Variants in PHF14 observed in about 807,000 individuals in gnomAD.
PHF14 encodes PHD finger protein 14.
Under a neutral mutation model 117.9 loss-of-function variants are expected in PHF14, and 55 were observed. The ratio of observed to expected loss-of-function variants is 0.47; its 90% confidence interval spans 0.38 to 0.58. PHF14 has a LOEUF of 0.58. PHF14 is among the 20% of genes least tolerant of loss of function. The pLI is 0.00. For missense variants in PHF14, 978 were observed against 1,122.2 expected (o/e 0.87, Z 1.84); for synonymous variants, 409 against 368.6 (o/e 1.11, Z -1.26).
chr7:11,157,487 G>A (rs1788900410), intron 17 of PHF14, among the ~76,000 whole-genome samples: 1 of 151,842 alleles, frequency 6.6e-6, no homozygotes, highest in Non-Finnish European at 1.5e-5. Flanking sequence ...TGCTTCTATG[G>A]AGAAATTTCT....
At chr7:11,074,067 C>T (rs898119993) in intron 16 of PHF14, among the ~76,000 whole-genome samples, 2 of 152,182 alleles carry the variant, frequency 1.3e-5, no homozygotes, top group Non-Finnish European at 2.9e-5. Flanking sequence ...CCTGGAAGAT[C>T]TCCAAAATGC....
chr7:11,104,572 T>C lies in PHF14; in HGVS notation c.2655-6778T>C, dbSNP rs185608690. ...TAAATGATAGTTGTTTATCACACAG[T>C]AGGGAAAGGAAGAAACATGAAAATA... is the stretch of plus-strand genomic sequence containing the variant. On this transcript the variant is annotated intron_variant, in intron 16 of 17. Transcript: ENST00000634607. 35 of 982,950 alleles carry C rather than the reference T, an allele frequency of 3.6e-5. No individual in the cohort carries two copies. In the African/African-American group the frequency reaches 6.1e-4, roughly 17 times the overall value. The allele number at this position is 982,950 out of a possible 1,614,324, so 60.9% of individuals were successfully genotyped here. A position where few individuals can be genotyped will look rare whatever the true frequency, so the allele number is the denominator to read the frequency against.
intron 17 of PHF14, among the ~76,000 whole-genome samples, chr7:11,145,932 CATT>C (rs1157838116): frequency 6.6e-6 from 1 of 151,878 alleles, no homozygotes; most frequent in African/African-American, 2.4e-5. Flanking sequence ...TTTATATTCT[CATT>C]AATTTTTTTA....
At chr7:11,022,649 C>T (rs1783775150) in intron 5 of PHF14, among the ~76,000 whole-genome samples, 1 of 152,126 alleles carries the variant, frequency 6.6e-6, no homozygotes, top group Non-Finnish European at 1.5e-5. Context: ...TTTGGCTAAG[C>T]TGCTGGAAAA....
chr7:11,104,395 T>C, intron 16 of PHF14: 1 of 954,848 alleles, frequency 1.0e-6, no homozygotes, highest in Non-Finnish European at 1.2e-6. Flanking sequence ...CCTAATAATC[T>C]CTTAAATGCT....
intron 4 of PHF14, among the ~76,000 whole-genome samples, chr7:11,001,439 T>C (rs1488915181): frequency 6.6e-6 from 1 of 152,324 alleles, no homozygotes; most frequent in East Asian, 1.9e-4. Context: ...AATTACATCC[T>C]GGAATTTTGA....
intron 16 of PHF14, among the ~76,000 whole-genome samples, chr7:11,099,807 C>A (rs760211667): frequency 6.6e-5 from 10 of 151,938 alleles, no homozygotes; most frequent in Non-Finnish European, 1.3e-4. Flanking sequence ...AACAAATATA[C>A]AGTTTCAAAA....
At chr7:11,103,954 A>G (rs1583468505) in intron 16 of PHF14, 1 of 984,348 alleles carries the variant, frequency 1.0e-6, no homozygotes, top group East Asian at 1.1e-4. Context: ...AGTTGTCACT[A>G]TATTAGCTTA....
intron 12 of PHF14, 79 bp downstream of exon 12, chr7:11,040,854 A>G (rs1223880100): frequency 1.5e-6 from 1 of 658,054 alleles, no homozygotes; most frequent in Non-Finnish European, 2.4e-6. Context: ...AAGATCCTGC[A>G]AATATTTGAG....
rs554339496 is a variant in PHF14 at position 11,149,794 on chromosome 7, A to G, written c.2773-19622A>G. On this transcript the variant is annotated intron_variant, in intron 17 of 17. Transcript: ENST00000634607. ...ATTCTCACTGAATTATCTTGTTTAT[A>G]ATAGTGTTTCAGTTGATTTTTTTTT... 3.9e-3 allele frequency among the ~76,000 whole-genome samples: 569 copies of G among 146,062 alleles called. 6 individuals are homozygous for G. Among genetic ancestry groups the G allele is most frequent in the South Asian group, 0.025 (108 of 4,384 alleles).
intron 2 of PHF14, among the ~76,000 whole-genome samples, chr7:10,976,463 C>T (rs144987183): frequency 4.2e-4 from 64 of 151,994 alleles, no homozygotes; most frequent in Admixed American, 1.1e-3. Context: ...ATAGTTGGGT[C>T]GTGGAAGTTA....
intron 4 of PHF14, among the ~76,000 whole-genome samples, chr7:11,004,152 G>A (rs944828029): frequency 6.6e-6 from 1 of 150,532 alleles, no homozygotes; most frequent in Non-Finnish European, 1.5e-5. Context: ...AGGGGCTGAG[G>A]CAGAGGATCG....
intron 5 of PHF14, among the ~76,000 whole-genome samples, chr7:11,016,259 C>T (rs868502609): frequency 2.0e-5 from 3 of 151,708 alleles, no homozygotes; most frequent in Non-Finnish European, 2.9e-5. Flanking sequence ...TTTCCAAGGA[C>T]GTAATACTAG....
At chr7:11,064,623 T>C (rs1428566394) in intron 16 of PHF14, among the ~76,000 whole-genome samples, 2 of 152,072 alleles carry the variant, frequency 1.3e-5, no homozygotes, top group Non-Finnish European at 2.9e-5. Flanking sequence ...TAATTCAGGC[T>C]ATATAGAAAA....
At chr7:11,075,886 C>G (rs771958609) in intron 16 of PHF14, among the ~76,000 whole-genome samples, 6 of 152,136 alleles carry the variant, frequency 3.9e-5, no homozygotes, top group African/African-American at 7.2e-5. Flanking sequence ...AATCCCAGCA[C>G]TTTGGGAGGC....
Position 11,036,584 on chromosome 7 carries a change from C to T in PHF14, c.1769C>T (p.Thr590Ile). 6.2e-7 allele frequency: 1 copy of T among 1,613,842 alleles called. No individual in the cohort carries two copies. Among genetic ancestry groups the T allele is most frequent in the Non-Finnish European group, 8.5e-7 (1 of 1,179,788 alleles). Residue 590 changes from threonine (T) to isoleucine (I), a missense_variant, in exon 9 of 18, where the codon ACA becomes ATA. Coordinates refer to ENST00000634607, the MANE Select transcript of PHF14 (RefSeq NM_001007157.2). The stretch of plus-strand genomic sequence containing the variant: ...AAAGCAGAACTCATGGGGATCAGTA[C>T]AGATATCTTTCCAGTGGACAATTCA... ...MRKAELMGIS[T>I]DIFPVDNSDT...
Position 11,013,805 on chromosome 7 carries a change from C to T in PHF14, c.1104C>T (p.Ser368=), listed in dbSNP as rs1159439185. The change falls in exon 5 of 18, where the codon TCC becomes TCT. Residue 368 remains serine, a synonymous_variant. Coordinates refer to ENST00000634607, the MANE Select transcript of PHF14 (RefSeq NM_001007157.2). ...TTATGAGTTCAGCTTCTGAAAACTC[C>T]ACTGAACCTTGGTTTTGTGATGCCT... The part of the protein sequence containing the change: ...DSIMSSASEN[S]TEPWFCDACK... 6.2e-7 allele frequency: 1 copy of T among 1,607,404 alleles called. No homozygotes were observed. Among genetic ancestry groups the T allele is most frequent in the Non-Finnish European group, 8.5e-7 (1 of 1,174,866 alleles).
At chr7:11,152,936 A>C (rs1448640939) in intron 17 of PHF14, among the ~76,000 whole-genome samples, 1 of 152,192 alleles carries the variant, frequency 6.6e-6, no homozygotes, top group African/African-American at 2.4e-5. Context: ...CCAGGTGAGG[A>C]AACTGAACTT....
At chr7:11,039,501 G>T (rs750517181) in intron 11 of PHF14, among the ~76,000 whole-genome samples, 37 of 151,966 alleles carry the variant, frequency 2.4e-4, no homozygotes, top group Non-Finnish European at 3.7e-4. Flanking sequence ...TTAGTACTGT[G>T]TATATAATTG....
Sources: gnomAD v4.1 joint callset for allele counts (sites outside exome capture counted in the v4.1 genomes callset) on GRCh38, gnomAD v4.1.1 for gene constraint, MANE v1.5 for transcripts, NCBI Gene and HGNC (gene_info 2026-07-23, HGNC 2026-07-21) for gene names.